EPHA3: variants seen among roughly 807,000 people sequenced by gnomAD.
EPHA3 encodes the protein EPH receptor A3.
In EPHA3, 42 loss-of-function variants were observed where a neutral mutation model predicts 107.1. The ratio of observed to expected loss-of-function variants is 0.39; its 90% CI spans 0.31 to 0.51. The LOEUF (loss-of-function observed/expected upper bound fraction) is 0.51, where lower values mean the gene tolerates loss of function less well. Among genes scored for constraint, EPHA3 ranks in the 20% least tolerant of loss-of-function variants. EPHA3 has a pLI of 0.78. For missense variants in EPHA3, 1,183 were observed against 1,211.2 expected (o/e 0.98, Z 0.35); for synonymous variants, 461 against 424.8 (o/e 1.09, Z -1.05).
intron 2 of EPHA3, among the ~76,000 whole-genome samples, chr3:89,159,452 C>T (rs1180365868): frequency 6.6e-6 from 1 of 152,080 alleles, no homozygotes; most frequent in African/African-American, 2.4e-5. Flanking sequence ...CTGTAATTAC[C>T]ACCACCGTTA....
chr3:89,111,455 A>C (rs1290836439), intron 1 of EPHA3, among the ~76,000 whole-genome samples: 1 of 151,946 alleles, frequency 6.6e-6, no homozygotes, highest in Non-Finnish European at 1.5e-5. Flanking sequence ...AAATAATTGA[A>C]TGCATTATAC....
At chr3:89,114,134 A>G (rs1707192245) in intron 1 of EPHA3, among the ~76,000 whole-genome samples, 1 of 152,228 alleles carries the variant, frequency 6.6e-6, no homozygotes, top group African/African-American at 2.4e-5. Flanking sequence ...AACTGTTGTG[A>G]ATATTCCTCG....
At chr3:89,191,653 A>G (rs1438649444) in intron 2 of EPHA3, among the ~76,000 whole-genome samples, 1 of 152,218 alleles carries the variant, frequency 6.6e-6, no homozygotes, top group African/African-American at 2.4e-5. Context: ...TAATATTAAA[A>G]TAAAGCTTAT....
At chr3:89,339,630 G>A (rs1367991395) in intron 3 of EPHA3, among the ~76,000 whole-genome samples, 1 of 152,092 alleles carries the variant, frequency 6.6e-6, no homozygotes, top group Non-Finnish European at 1.5e-5. Context: ...TAAGAAGATA[G>A]TCTACCATGG....
intron 3 of EPHA3, among the ~76,000 whole-genome samples, chr3:89,224,562 T>G (rs905411378): frequency 7.9e-5 from 12 of 152,084 alleles, no homozygotes; most frequent in African/African-American, 2.9e-4. Context: ...AAGCATACAC[T>G]TTTTGGTCAG....
At chr3:89,174,394 T>C (rs1039747908) in intron 2 of EPHA3, among the ~76,000 whole-genome samples, 1 of 152,046 alleles carries the variant, frequency 6.6e-6, no homozygotes, top group African/African-American at 2.4e-5. Flanking sequence ...ATTTCATTAT[T>C]GTTTTTATCA....
intron 3 of EPHA3, among the ~76,000 whole-genome samples, chr3:89,259,520 T>A (rs1705366527): frequency 6.6e-6 from 1 of 152,226 alleles, no homozygotes; most frequent in Admixed American, 6.5e-5. Context: ...AAGTGGGGCA[T>A]GCCATATTTC....
intron 2 of EPHA3, among the ~76,000 whole-genome samples, chr3:89,145,320 TAGAG>T (rs1001361470): frequency 6.6e-6 from 1 of 151,622 alleles, no homozygotes; most frequent in African/African-American, 2.4e-5. Flanking sequence ...TACCTTTATA[TAGAG>T]ATTCTTCAAG....
rs142092285 is a variant in EPHA3, at chr3:89,321,097, C to T, written c.815-19819C>T. Among the ~76,000 whole-genome samples the T allele has an allele frequency of 6.7e-3, 1,012 of 151,860 alleles. 7 individuals carry two copies. The highest frequency in any genetic ancestry group is 0.02 in the African/African-American group (828 of 41,418). On this transcript the variant is annotated intron_variant, in intron 3 of 16. Transcript: ENST00000336596. ...TTTTCAGTATATTCACACATGTATG[C>T]GGAGTAAAATATAGTCAAAAGTACA...
intron 3 of EPHA3, among the ~76,000 whole-genome samples, chr3:89,222,761 G>A (rs1037095367): frequency 4.0e-5 from 6 of 151,878 alleles, no homozygotes; most frequent in Admixed American, 1.3e-4. Context: ...TTAGAATGAG[G>A]CAGCACACAA....
At chr3:89,174,052 A>G (rs528862375) in intron 2 of EPHA3, among the ~76,000 whole-genome samples, 60 of 152,128 alleles carry the variant, frequency 3.9e-4, no homozygotes, top group African/African-American at 1.4e-3. Context: ...CTCGGCTTTT[A>G]CAGAGAAGAA....
chr3:89,145,581 C>T (rs1704537838), intron 2 of EPHA3, among the ~76,000 whole-genome samples: 1 of 151,650 alleles, frequency 6.6e-6, no homozygotes, highest in Non-Finnish European at 1.5e-5. Context: ...TTATATCCTT[C>T]CATTCTTTTC....
chr3:89,149,659 G>T (rs1303979119), intron 2 of EPHA3, among the ~76,000 whole-genome samples: 1 of 97,980 alleles, frequency 1.0e-5, no homozygotes, highest in Non-Finnish European at 1.9e-5. Flanking sequence ...ACAGGCCCCA[G>T]TGTGTGATGT....
chr3:89,150,460 A>G (rs1037029845), intron 2 of EPHA3, among the ~76,000 whole-genome samples: 4 of 152,086 alleles, frequency 2.6e-5, no homozygotes, highest in Non-Finnish European at 4.4e-5. Context: ...TAAAACAGAT[A>G]TCAATAGAGG....
chr3:89,178,672 A>G (rs1282748481), intron 2 of EPHA3, among the ~76,000 whole-genome samples: 1 of 151,784 alleles, frequency 6.6e-6, no homozygotes, highest in East Asian at 1.9e-4. Context: ...AATTCTGAAT[A>G]ATATAATGTA....
At chr3:89,339,509 G>A (rs150717137) in intron 3 of EPHA3, among the ~76,000 whole-genome samples, 1,614 of 152,198 alleles carry the variant, frequency 0.011, 17 homozygotes, top group Middle Eastern at 0.021. Context: ...GCCATTCTTG[G>A]TAGGAACTAG....
chr3:89,300,361 G>A (rs1706453060), intron 3 of EPHA3, among the ~76,000 whole-genome samples: 1 of 151,930 alleles, frequency 6.6e-6, no homozygotes, highest in Admixed American at 6.6e-5. Flanking sequence ...ATATTAATAT[G>A]TAAAGTATAT....
intron 2 of EPHA3, among the ~76,000 whole-genome samples, chr3:89,203,396 G>A (rs1706021782): frequency 1.3e-5 from 2 of 151,494 alleles, no homozygotes; most frequent in African/African-American, 4.9e-5. Context: ...AAAGGTATGA[G>A]ACATTTGTCC....
intron 11 of EPHA3, among the ~76,000 whole-genome samples, chr3:89,428,577 T>C (rs1308833016): frequency 6.6e-5 from 10 of 152,066 alleles, no homozygotes. Context: ...ACTATTATTC[T>C]GAATTGTTTT....
Sources: allele counts gnomAD v4.1 joint callset (sites outside exome capture counted in the v4.1 genomes callset), GRCh38; gene constraint gnomAD v4.1.1; transcripts MANE v1.5; gene names NCBI Gene and HGNC (gene_info 2026-07-23, HGNC 2026-07-21).